TG: variants seen among roughly 807,000 people sequenced by gnomAD.
The protein encoded by TG is thyroid hormones.
A neutral mutation model predicts 324.7 loss-of-function variants in TG; 270 were observed. The ratio of observed to expected loss-of-function variants is 0.83; its 90% confidence interval spans 0.75 to 0.92. TG has a LOEUF of 0.92. Among genes scored for constraint, TG ranks in the 40% least tolerant of loss-of-function variants. TG has a pLI of 0.00. For synonymous variants in TG, 1,401 were observed against 1,327.0 expected (o/e 1.06, Z -1.21); for missense variants, 3,591 against 3,456.4 (o/e 1.04, Z -0.98).
intron 41 of TG, among the ~76,000 whole-genome samples, chr8:133,061,343 C>A (rs1209390703): frequency 6.6e-6 from 1 of 152,146 alleles, no homozygotes; most frequent in Non-Finnish European, 1.5e-5. Flanking sequence ...TTTTGGGGAA[C>A]ACTAATTGAA....
In TG at chr8:132,888,404, A is replaced by G. The variant is rs200020471; in HGVS notation, c.2597A>G (p.Tyr866Cys). 5.6e-6 allele frequency: 9 copies of G among 1,613,834 alleles called. No homozygotes were observed. In the East Asian group the frequency reaches 6.7e-5, roughly 12 times the overall value. The change falls in exon 10 of 48, where the codon TAC becomes TGC. Residue 866 changes from tyrosine (Y) to cysteine (C), a missense_variant. Transcript: ENST00000220616. ...QPRENILLEPYLFWQILNGQL... is the reference protein window; with the variant it reads ...QPRENILLEPCLFWQILNGQL... ...AGGGAGAATATCCTCCTGGAGCCCT[A>G]CCTCTTCTGGCAGATCTTAAATGGC...
intron 45 of TG, among the ~76,000 whole-genome samples, chr8:133,118,604 C>A (rs577577765): frequency 6.6e-6 from 1 of 152,116 alleles, no homozygotes; most frequent in East Asian, 1.9e-4. Flanking sequence ...GGATTACAGG[C>A]GTGAGCCACT....
chr8:132,898,737 G>A, intron 13 of TG, 61 bp from the exon 14 acceptor site: 1 of 1,490,022 alleles, frequency 6.7e-7, no homozygotes, highest in Non-Finnish European at 9.3e-7. Flanking sequence ...GTCAGCCTGG[G>A]ATCCCCTCTT....
At chr8:132,957,855 G>C (rs1250896792) in intron 27 of TG, among the ~76,000 whole-genome samples, 1 of 151,994 alleles carries the variant, frequency 6.6e-6, no homozygotes, top group Non-Finnish European at 1.5e-5. Flanking sequence ...AAGTTCTTTA[G>C]TGGTGATTTG....
At position 132,963,170 on chromosome 8, in the gene TG, A is replaced by C. The variant is rs1828016953; in HGVS notation, c.5548+96A>C. 8.2e-6 allele frequency: 9 copies of C among 1,100,266 alleles called. No homozygotes were observed. In the East Asian group the frequency reaches 2.1e-4, roughly 26 times the overall value. The allele number at this position is 1,100,266 out of a possible 1,614,324, so 68.2% of individuals were successfully genotyped here. A position where few individuals can be genotyped will look rare whatever the true frequency, so the allele number is the denominator to read the frequency against. On this transcript the variant is annotated intron_variant, in intron 29 of 47. Transcript: ENST00000220616. ...TTAATCAATGAACGGACGTATTGAC[A>C]TCACTCTATTCTGTATCCATGGACT...
At chr8:133,060,619 A>G (rs1842232397) in intron 41 of TG, among the ~76,000 whole-genome samples, 1 of 152,200 alleles carries the variant, frequency 6.6e-6, no homozygotes, top group Admixed American at 6.5e-5. Context: ...CTGTACAACC[A>G]AAGGCATGAG....
intron 4 of TG, 92 bp downstream of exon 4, chr8:132,871,643 A>G (rs1839491884): frequency 7.6e-7 from 1 of 1,310,524 alleles, no homozygotes; most frequent in Non-Finnish European, 1.1e-6. Context: ...TTCCTGCCGA[A>G]GTGGGCAGAG....
chr8:133,029,321 G>C (rs953069844), intron 40 of TG, among the ~76,000 whole-genome samples: 1 of 152,170 alleles, frequency 6.6e-6, no homozygotes, highest in African/African-American at 2.4e-5. Context: ...GCTAATAAAG[G>C]CTTCAGATGA....
rs556181402 is a variant in TG at position 132,935,709 on chromosome 8, A to C, written c.4933-47A>C. On this transcript the variant is annotated intron_variant, in intron 24 of 47. Transcript: ENST00000220616. ...GTTGGATGAATGTTTGTTGGATTGAATTATAAAGTATTGCAGGATAATAAT... is the reference window on the plus strand; with the variant it reads ...GTTGGATGAATGTTTGTTGGATTGACTTATAAAGTATTGCAGGATAATAAT... 10 of 1,514,678 alleles carry C rather than the reference A, an allele frequency of 6.6e-6. No homozygotes were observed. The South Asian group carries it at 9.0e-5, about 14-fold the overall frequency. The allele number at this position is 1,514,678 out of a possible 1,614,324, so 93.8% of individuals were successfully genotyped here.
At chr8:132,956,451 G>C (rs1180986799) in intron 27 of TG, among the ~76,000 whole-genome samples, 2 of 152,158 alleles carry the variant, frequency 1.3e-5, no homozygotes, top group Non-Finnish European at 2.9e-5. Context: ...AGAGGACGGG[G>C]GTGTGTGACC....
intron 37 of TG, among the ~76,000 whole-genome samples, chr8:133,015,824 A>G (rs1051944531): frequency 6.6e-6 from 1 of 152,224 alleles, no homozygotes; most frequent in Non-Finnish European, 1.5e-5. Context: ...GCCAGATTAA[A>G]AAACAGCAAC....
Position 132,882,795 on chromosome 8 carries a change from C to T in TG, c.890-19C>T, listed in dbSNP as rs780222729. 53 of 1,614,084 alleles carry T rather than the reference C, an allele frequency of 3.3e-5. 1 individual carries two copies. Among genetic ancestry groups the T allele is most frequent in the Non-Finnish European group, 3.5e-5 (41 of 1,180,028 alleles). On this transcript the variant is annotated intron_variant, in intron 7 of 47. Transcript: ENST00000220616. ...AGCATTGTTGACACTGTCTTCTTTA[C>T]TGTGTGGATTTCCTCTAGGCCCCAC...
intron 44 of TG, among the ~76,000 whole-genome samples, chr8:133,115,410 G>C (rs1160819916): frequency 1.3e-5 from 2 of 152,094 alleles, no homozygotes; most frequent in African/African-American, 2.4e-5. Context: ...AATGCCTCAG[G>C]GTGCATGGGG....
At chr8:133,110,508 A>T (rs1850172072) in intron 43 of TG, among the ~76,000 whole-genome samples, 1 of 152,230 alleles carries the variant, frequency 6.6e-6, no homozygotes, top group South Asian at 2.1e-4. Context: ...ATGAAGATAG[A>T]TACACATAGC....
At position 132,891,276 on chromosome 8, in the gene TG, C is replaced by T. The variant is rs189292819; in HGVS notation, c.2762-2414C>T. On this transcript the variant is annotated intron_variant, in intron 10 of 47. Coordinates refer to ENST00000220616, the MANE Select transcript of TG (RefSeq NM_003235.5). ...AGTGAGGTGGAGGAAAGGTTATAGA[C>T]GTAGGAGGGGAGGGGATGCAGGAGG... Among the ~76,000 whole-genome samples, 21 of 151,882 alleles carry T rather than the reference C, an allele frequency of 1.4e-4. 1 individual carries two copies. The East Asian group carries it at 4.1e-3, about 29-fold the overall frequency.
At chr8:133,128,874 C>T (rs993190552) in intron 45 of TG, among the ~76,000 whole-genome samples, 4 of 152,316 alleles carry the variant, frequency 2.6e-5, no homozygotes, top group South Asian at 2.1e-4. Context: ...TCAGACACAG[C>T]GCAGGGCAAT....
chr8:132,939,491 T>C (rs1320981520), intron 25 of TG, among the ~76,000 whole-genome samples: 1 of 152,112 alleles, frequency 6.6e-6, no homozygotes, highest in Non-Finnish European at 1.5e-5. Flanking sequence ...ACCCTTCAAA[T>C]AAAGCTGGGC....
intron 2 of TG, among the ~76,000 whole-genome samples, chr8:132,868,920 T>C (rs1839219368): frequency 6.6e-6 from 1 of 152,240 alleles, no homozygotes; most frequent in Non-Finnish European, 1.5e-5. Flanking sequence ...ACTCCATTTA[T>C]ATAACTGCGT....
chr8:132,977,775 A>G (rs566641406), intron 34 of TG, among the ~76,000 whole-genome samples: 2 of 152,178 alleles, frequency 1.3e-5, no homozygotes, highest in Non-Finnish European at 2.9e-5. Flanking sequence ...CATGGGAATC[A>G]TGGGAGCTAC....
Sources: allele counts gnomAD v4.1 joint callset (sites outside exome capture counted in the v4.1 genomes callset), GRCh38; gene constraint gnomAD v4.1.1; transcripts MANE v1.5; gene names NCBI Gene and HGNC (gene_info 2026-07-23, HGNC 2026-07-21).